The following ZDHHC9 variants were observed in gnomAD, a reference collection of about 807,000 sequenced individuals.
The protein encoded by ZDHHC9 is palmitoyltransferase ZDHHC9.
ZDHHC9 carries 3 observed loss-of-function variants against 26.6 expected under a neutral mutation model. That is an observed-to-expected ratio of 0.11 (90% CI 0.05 to 0.29). The LOEUF (loss-of-function observed/expected upper bound fraction) is 0.29, where lower values mean the gene tolerates loss of function less well. ZDHHC9 is among the 10% of genes least tolerant of loss of function. The pLI is 1.00. For synonymous variants in ZDHHC9, 111 were observed against 109.4 expected, an observed-to-expected ratio of 1.01 and a Z score of -0.09; for missense variants, 146 against 296.4, an observed-to-expected ratio of 0.49 and a Z score of 3.73.
intron 10 of ZDHHC9, 104 bp downstream of exon 10, chrX:129,810,801 A>G: frequency 3.7e-5 from 25 of 682,757 alleles, no homozygotes; most frequent in African/African-American, 2.1e-5. Context: ...AGAGGCAGGG[A>G]AGCTGGGGTG....
At chrX:129,807,314 C>T (rs1254934626) in intron 10 of ZDHHC9, among the ~76,000 whole-genome samples, 5 of 108,388 alleles carry the variant, frequency 4.6e-5, no homozygotes, top group East Asian at 5.8e-4. Flanking sequence ...GGCGCGGTGG[C>T]GGGCGCCTGT....
At chrX:129,838,525 A>G (rs1053429791) in intron 3 of ZDHHC9, among the ~76,000 whole-genome samples, 1 of 110,529 alleles carries the variant, frequency 9.0e-6, no homozygotes, top group African/African-American at 3.3e-5. Context: ...TACAAAAATT[A>G]TTTGTATTTG....
chrX:129,834,194 G>C (rs898616329), intron 3 of ZDHHC9, among the ~76,000 whole-genome samples: 2 of 111,553 alleles, frequency 1.8e-5, no homozygotes, highest in South Asian at 3.8e-4. Flanking sequence ...GCCTTCATCA[G>C]TCACCAAACC....
chrX:129,817,583 C>T (rs965239751), intron 5 of ZDHHC9, among the ~76,000 whole-genome samples: 1 of 111,446 alleles, frequency 9.0e-6, no homozygotes, highest in Non-Finnish European at 1.9e-5. Flanking sequence ...TTCCAAAACC[C>T]TTTCATTACT....
intron 10 of ZDHHC9, among the ~76,000 whole-genome samples, chrX:129,810,132 C>T (rs1344978729): frequency 1.8e-5 from 2 of 109,448 alleles, no homozygotes; most frequent in African/African-American, 3.3e-5. Context: ...GGGAGGATCA[C>T]GAGGTCAGGA....
chrX:129,815,456 AAAG>A (rs1326598142), intron 5 of ZDHHC9, among the ~76,000 whole-genome samples: 49 of 112,436 alleles, frequency 4.4e-4, no homozygotes, highest in African/African-American at 1.5e-3. Context: ...AAATAACTAT[AAAG>A]AATAAATGTT....
At chrX:129,808,917 G>C (rs1927576432) in intron 10 of ZDHHC9, among the ~76,000 whole-genome samples, 1 of 112,128 alleles carries the variant, frequency 8.9e-6, no homozygotes, top group Non-Finnish European at 1.9e-5. Context: ...GCTCTGAACA[G>C]ACACTTCTCC....
At position 129,805,249 on chromosome X, in the gene ZDHHC9, T is replaced by G. The variant is rs1461838004; in HGVS notation, c.*1121A>C. On this transcript the variant is annotated 3_prime_UTR_variant, in exon 11 of 11. Coordinates refer to ENST00000357166, the MANE Select transcript of ZDHHC9 (RefSeq NM_016032.4). Reference sequence around the variant, plus strand: ...CCATAGCCAGAGGTGGGCCGAGGCCTTAGGGTGAGTTACCCGAGAGGGCAG... The same window carrying G: ...CCATAGCCAGAGGTGGGCCGAGGCCGTAGGGTGAGTTACCCGAGAGGGCAG... 1 of 111,433 alleles carries G rather than the reference T, an allele frequency of 9.0e-6. No homozygotes were observed. Among genetic ancestry groups the G allele is most frequent in the Non-Finnish European group, 1.9e-5 (1 of 52,964 alleles). 9.2% of individuals were successfully genotyped at this position (111,433 alleles called of 1,213,427 possible).
intron 3 of ZDHHC9, among the ~76,000 whole-genome samples, chrX:129,832,170 A>G (rs1166039179): frequency 9.1e-6 from 1 of 109,376 alleles, no homozygotes; most frequent in Non-Finnish European, 1.9e-5. Flanking sequence ...CTTTATATAT[A>G]TATATAAAAT....
At chrX:129,825,546 T>C (rs1057232679) in intron 4 of ZDHHC9, among the ~76,000 whole-genome samples, 2 of 111,484 alleles carry the variant, frequency 1.8e-5, no homozygotes, top group African/African-American at 6.5e-5. Context: ...TTCCATCATA[T>C]ACGTGTACTA....
intron 5 of ZDHHC9, among the ~76,000 whole-genome samples, chrX:129,821,897 G>A (rs1478040499): frequency 3.6e-5 from 4 of 110,786 alleles, no homozygotes; most frequent in African/African-American, 9.8e-5. Context: ...ACTCCAGCCT[G>A]GGTGACACAG....
intron 5 of ZDHHC9, among the ~76,000 whole-genome samples, chrX:129,818,249 T>C (rs1442695630): frequency 6.3e-5 from 7 of 111,887 alleles, no homozygotes; most frequent in African/African-American, 1.9e-4. Context: ...AAACCATCCC[T>C]TCTCGCACCT....
chrX:129,840,213 CTACCAA>C (rs1418726211), intron 3 of ZDHHC9, among the ~76,000 whole-genome samples: 1 of 107,369 alleles, frequency 9.3e-6, no homozygotes, highest in African/African-American at 3.4e-5. Context: ...GGGCCCAGAA[CTACCAA>C]CTAACTCAAA....
chrX:129,838,689 A>C (rs939637388), intron 3 of ZDHHC9, among the ~76,000 whole-genome samples: 4 of 100,857 alleles, frequency 4.0e-5, no homozygotes, highest in African/African-American at 1.9e-4. Context: ...AAAAAATAAA[A>C]AATAATTAAA....
chrX:129,817,357 T>C (rs1927779744), intron 5 of ZDHHC9, among the ~76,000 whole-genome samples: 1 of 109,215 alleles, frequency 9.2e-6, no homozygotes, highest in Non-Finnish European at 1.9e-5. Context: ...GAGGCTGAGG[T>C]GGGGGGATCA....
chrX:129,806,671 AG>A lies in ZDHHC9; in HGVS notation c.979-186del, dbSNP rs1927523427. 2.7e-5 allele frequency among the ~76,000 whole-genome samples: 3 copies of A among 112,063 alleles called. No individual in the cohort carries two copies. In the South Asian group the frequency reaches 1.1e-3, roughly 41 times the overall value. ...CGTCTTCTCGGCAGAACACAACTGA[AG>A]TTTATTTGAGTTTGATCCTTAACTG... On this transcript the variant is annotated intron_variant, in intron 10 of 10. Transcript: ENST00000357166.
chrX:129,841,472 T>C (rs987176602), intron 3 of ZDHHC9, among the ~76,000 whole-genome samples: 4 of 112,137 alleles, frequency 3.6e-5, no homozygotes, highest in Non-Finnish European at 7.5e-5. Flanking sequence ...CCATCTGTCA[T>C]TTAGCTTCTA....
At position 129,811,480 on chromosome X, in the gene ZDHHC9, G is replaced by T. The variant is rs372471639; in HGVS notation, c.807C>A (p.Arg269=). The T allele has an allele frequency of 9.1e-6, 11 of 1,207,453 alleles. No individual in the cohort carries two copies. The highest frequency in any genetic ancestry group is 1.1e-5 in the Non-Finnish European group (10 of 893,801). Residue 269 remains arginine (R), a synonymous_variant, in exon 9 of 11, where the codon CGC becomes CGA. Coordinates refer to ENST00000357166, the MANE Select transcript of ZDHHC9 (RefSeq NM_016032.4). ...TGCCATGGCTGTAGGGATTCTGGAC[G>T]CGATTCTTCCCTGTCCATGATCCTT... ...DIKGSWTGKN[R]VQNPYSHGNI... is the part of the protein sequence containing the mutation.
intron 5 of ZDHHC9, among the ~76,000 whole-genome samples, chrX:129,817,483 T>C (rs749328332): frequency 9.0e-6 from 1 of 111,216 alleles, no homozygotes; most frequent in African/African-American, 3.3e-5. Flanking sequence ...AAAATATACA[T>C]AACATACAAT....
Sources: allele counts gnomAD v4.1 joint callset (sites outside exome capture counted in the v4.1 genomes callset), GRCh38; gene constraint gnomAD v4.1.1; transcripts MANE v1.5; gene names NCBI Gene and HGNC (gene_info 2026-07-23, HGNC 2026-07-21).